The following CBFA2T3 variants were observed in gnomAD, a reference collection of about 807,000 sequenced individuals.
The protein encoded by CBFA2T3 is CBFA2/RUNX1 partner transcriptional co-repressor 3, also known as transcriptional corepressor CBFA2T3.
A neutral mutation model predicts 58.6 loss-of-function variants in CBFA2T3; 31 were observed. That is an observed-to-expected ratio of 0.53 (90% CI 0.40 to 0.71). The LOEUF is 0.71. Among genes scored for constraint, CBFA2T3 ranks in the 30% least tolerant of loss-of-function variants. The probability of loss-of-function intolerance (pLI) is 0.00; values close to 1 mark genes in which losing one functional copy is unlikely to be tolerated. For missense variants in CBFA2T3, 1,076 were observed against 963.1 expected, an observed-to-expected ratio of 1.12 and a Z score of -1.55; for synonymous variants, 531 against 421.9, an observed-to-expected ratio of 1.26 and a Z score of -3.17.
intron 1 of CBFA2T3, among the ~76,000 whole-genome samples, chr16:88,909,751 C>G (rs1012792663): frequency 6.6e-6 from 1 of 152,182 alleles, no homozygotes; most frequent in Non-Finnish European, 1.5e-5. Context: ...ATGGACGACC[C>G]CGCACCCACG....
At chr16:88,884,038 T>C (rs1969248398) in intron 7 of CBFA2T3, 1 of 152,268 alleles carries the variant, frequency 6.6e-6, no homozygotes, top group Non-Finnish European at 1.5e-5. Context: ...CAGCCTGCTC[T>C]GCCGCCTGTG....
At chr16:88,964,276 G>A (rs977980693) in intron 1 of CBFA2T3, among the ~76,000 whole-genome samples, 3 of 152,220 alleles carry the variant, frequency 2.0e-5, no homozygotes, top group African/African-American at 7.2e-5. Flanking sequence ...AAAACCTGGG[G>A]CAGGCCCCAT....
At chr16:88,934,584 A>T (rs1351055914) in intron 1 of CBFA2T3, among the ~76,000 whole-genome samples, 7 of 152,186 alleles carry the variant, frequency 4.6e-5, no homozygotes, top group Non-Finnish European at 1.0e-4. Flanking sequence ...CAAGGGACAG[A>T]TGGGGACACG....
At chr16:88,905,869 C>T (rs1970308229) in intron 1 of CBFA2T3, among the ~76,000 whole-genome samples, 1 of 149,344 alleles carries the variant, frequency 6.7e-6, no homozygotes, top group African/African-American at 2.6e-5. Context: ...GGGCTGGTTG[C>T]TCAGGGCAGG....
chr16:88,904,177 C>T lies in CBFA2T3; in HGVS notation c.152-2521G>A, dbSNP rs144323315. ...GCTAGAGCAGACAGTGCCCTGCCGGCGCCCTGAGCAGTCGGGGACTTCATG... is the reference window on the plus strand; with the variant it reads ...GCTAGAGCAGACAGTGCCCTGCCGGTGCCCTGAGCAGTCGGGGACTTCATG... On this transcript the variant is annotated intron_variant, in intron 1 of 11. Coordinates refer to ENST00000268679, the MANE Select transcript of CBFA2T3 (RefSeq NM_005187.6). Among the ~76,000 whole-genome samples, 68 of 152,320 alleles carry T rather than the reference C, an allele frequency of 4.5e-4. No individual in the cohort carries two copies. The East Asian group carries it at 0.011, about 25-fold the overall frequency.
chr16:88,952,118 C>G (rs764228020), intron 1 of CBFA2T3, among the ~76,000 whole-genome samples: 2 of 152,102 alleles, frequency 1.3e-5, no homozygotes, highest in Admixed American at 6.5e-5. Context: ...GCTGACAGCC[C>G]GAGTGATGGG....
chr16:88,895,691 TCA>T (rs935303989), intron 3 of CBFA2T3, among the ~76,000 whole-genome samples: 3 of 152,016 alleles, frequency 2.0e-5, no homozygotes, highest in African/African-American at 7.2e-5. Flanking sequence ...AGCCTGGGCC[TCA>T]CAGATACCCA....
At chr16:88,937,697 T>C (rs1971551381) in intron 1 of CBFA2T3, 3 of 152,312 alleles carry the variant, frequency 2.0e-5, no homozygotes, top group Admixed American at 2.0e-4. Context: ...GAGGATCCAA[T>C]GCAGGGCCTG....
At chr16:88,897,929 G>A (rs889938527) in intron 3 of CBFA2T3, 149 bp downstream of exon 3, 13 of 650,256 alleles carry the variant, frequency 2.0e-5, no homozygotes, top group Non-Finnish European at 3.6e-5. Context: ...TCTCCCTAAG[G>A]AGGCAAGACC....
In CBFA2T3 at chr16:88,953,326, C is replaced by T. The variant is rs1029352601; in HGVS notation, c.151+23331G>A. ...GCACACAGCCAGTGGTGAAGGTTCA[C>T]GGAAGAACGAAGGAAGGAGTGAGCG... On this transcript the variant is annotated intron_variant, in intron 1 of 11. Coordinates refer to ENST00000268679, the MANE Select transcript of CBFA2T3 (RefSeq NM_005187.6). This position sits in a 1 kb window ranked among gnomAD's most constrained non-coding sequence, Gnocchi z 4.9. 2.6e-5 allele frequency among the ~76,000 whole-genome samples: 4 copies of T among 152,176 alleles called. No homozygotes were observed. Among genetic ancestry groups the T allele is most frequent in the African/African-American group, 4.8e-5 (2 of 41,452 alleles).
rs1038378504 is a variant in CBFA2T3, at chr16:88,977,198, A to G, written c.-391T>C. On this transcript the variant is annotated 5_prime_UTR_variant, in exon 1 of 12. An upstream start codon of the reference 5' UTR is lost. Coordinates refer to ENST00000268679, the MANE Select transcript of CBFA2T3 (RefSeq NM_005187.6). ...GCCCTGCGCGGCCTTCCCTCGGGCC[A>G]TTCCGGTTTGACCTTCCAACAACTT... is the stretch of plus-strand genomic sequence containing the variant. The G allele has an allele frequency of 3.8e-6, 1 of 263,510 alleles. No homozygotes were observed. The highest frequency in any genetic ancestry group is 2.1e-5 in the African/African-American group (1 of 46,630). The allele number at this position is 263,510 out of a possible 1,614,324, so 16.3% of individuals were successfully genotyped here.
At chr16:88,930,655 G>A (rs1048427462) in intron 1 of CBFA2T3, among the ~76,000 whole-genome samples, 13 of 146,520 alleles carry the variant, frequency 8.9e-5, no homozygotes, top group East Asian at 4.0e-4. Context: ...ATGCAGGAGC[G>A]GGGGCAGACT....
chr16:88,907,361 C>T (rs1011306018), intron 1 of CBFA2T3, among the ~76,000 whole-genome samples: 1 of 150,470 alleles, frequency 6.6e-6, no homozygotes, highest in Admixed American at 6.6e-5. Flanking sequence ...CACTGAGGTC[C>T]TCCTGCTGGG....
chr16:88,959,768 G>A (rs1399052555), intron 1 of CBFA2T3, among the ~76,000 whole-genome samples: 2 of 152,212 alleles, frequency 1.3e-5, no homozygotes, highest in Non-Finnish European at 1.5e-5. Flanking sequence ...CATTAAGCCT[G>A]TCATCCCAGC....
intron 1 of CBFA2T3, among the ~76,000 whole-genome samples, chr16:88,910,075 C>A (rs1970480152): frequency 6.6e-6 from 1 of 152,218 alleles, no homozygotes; most frequent in South Asian, 2.1e-4. Context: ...CCTCTGGCCT[C>A]ACCAGCTGTC....
intron 1 of CBFA2T3, among the ~76,000 whole-genome samples, chr16:88,975,135 A>T (rs1421504364): frequency 6.9e-6 from 1 of 143,914 alleles, no homozygotes; most frequent in Non-Finnish European, 1.5e-5. Context: ...TCTGCTCCTG[A>T]CCTGCAGCCA....
rs1338817669 is a variant in CBFA2T3 at position 88,976,967 on chromosome 16, G to A, written c.-160C>T. The stretch of plus-strand genomic sequence containing the variant: ...GTCCCTGGAAAGCCGAGGCCCTCCC[G>A]GCCACCAACTGGGTGTCCTCTGCCC... On this transcript the variant is annotated 5_prime_UTR_variant, in exon 1 of 12. Coordinates refer to ENST00000268679, the MANE Select transcript of CBFA2T3 (RefSeq NM_005187.6). The A allele has an allele frequency of 1.3e-5, 11 of 817,452 alleles. No homozygotes were observed. The highest frequency in any genetic ancestry group is 5.9e-5 in the South Asian group (3 of 50,946). The allele number at this position is 817,452 out of a possible 1,614,324, so 50.6% of individuals were successfully genotyped here.
intron 1 of CBFA2T3, among the ~76,000 whole-genome samples, chr16:88,909,884 C>A (rs1409541978): frequency 6.6e-6 from 1 of 152,238 alleles, no homozygotes; most frequent in African/African-American, 2.4e-5. Context: ...GGCAGCCGTC[C>A]AGTGCAGTAA....
chr16:88,905,302 C>A (rs1370669350), intron 1 of CBFA2T3, among the ~76,000 whole-genome samples: 1 of 152,122 alleles, frequency 6.6e-6, no homozygotes, highest in Non-Finnish European at 1.5e-5. Context: ...TCCCTGCTCT[C>A]CCCCAGTGCG....
Sources: gnomAD v4.1 joint callset for allele counts (sites outside exome capture counted in the v4.1 genomes callset) on GRCh38, gnomAD v4.1.1 for gene constraint, Gnocchi (gnomAD v3.1) non-coding constraint, MANE v1.5 for transcripts, NCBI Gene and HGNC (gene_info 2026-07-23, HGNC 2026-07-21) for gene names.